Variants in MS4A10 observed in about 807,000 individuals in gnomAD.
MS4A10 encodes the protein membrane-spanning 4-domains subfamily A member 10.
Under a neutral mutation model 27.7 loss-of-function variants are expected in MS4A10, and 27 were observed. The observed-to-expected ratio is 0.98, with a 90% confidence interval of 0.72 to 1.35. MS4A10 has a LOEUF of 1.35. MS4A10 is among the 40% of genes most tolerant of loss of function. MS4A10 has a pLI of 0.00. For missense variants in MS4A10, 338 were observed against 324.7 expected, an observed-to-expected ratio of 1.04 and a Z score of -0.32; for synonymous variants, 139 against 131.2, an observed-to-expected ratio of 1.06 and a Z score of -0.41.
chr11:60,786,187 A>G (rs934607389), intron 1 of MS4A10, among the ~76,000 whole-genome samples: 14 of 138,430 alleles, frequency 1.0e-4, no homozygotes, highest in Middle Eastern at 3.6e-3. Context: ...ACACACACAC[A>G]CGCACACACA....
chr11:60,798,865 T>G (rs1435706935), intron 7 of MS4A10, among the ~76,000 whole-genome samples: 2 of 152,166 alleles, frequency 1.3e-5, no homozygotes, highest in Non-Finnish European at 2.9e-5. Flanking sequence ...CCCTCTGGCC[T>G]CCCTTGCCTG....
In MS4A10 at chr11:60,800,895, G is replaced by A. The variant is rs1433662614; in HGVS notation, c.*986G>A. 6.8e-6 allele frequency: 1 copy of A among 145,990 alleles called. No individual in the cohort carries two copies. Among genetic ancestry groups the A allele is most frequent in the Non-Finnish European group, 1.5e-5 (1 of 67,240 alleles). The allele number at this position is 145,990 out of a possible 1,614,324, so 9.0% of individuals were successfully genotyped here. A position where few individuals can be genotyped will look rare whatever the true frequency, so the allele number is the denominator to read the frequency against. On this transcript the variant is annotated 3_prime_UTR_variant, in exon 8 of 8. Coordinates refer to ENST00000308287, the MANE Select transcript of MS4A10 (RefSeq NM_206893.4). ...TGCAACCTCTGCCTCCCGAGTTCAA[G>A]CAATTCTCCTGCCTCAGCCTCCCGA... is the stretch of plus-strand genomic sequence containing the variant.
At chr11:60,799,736 C>A in intron 7 of MS4A10, 92 bp from the exon 8 acceptor site, 1 of 721,218 alleles carries the variant, frequency 1.4e-6, no homozygotes, top group Non-Finnish European at 2.5e-6. Context: ...GACTCTGAGC[C>A]AAGTAAATGC....
intron 3 of MS4A10, among the ~76,000 whole-genome samples, chr11:60,792,018 CT>C (rs1439981933): frequency 1.3e-5 from 2 of 152,166 alleles, no homozygotes; most frequent in Non-Finnish European, 2.9e-5. Context: ...CAGGGCACAG[CT>C]TGGTCCAAGG....
chr11:60,786,189 GCACACACACACACA>G (rs552507721), intron 1 of MS4A10, among the ~76,000 whole-genome samples: 1 of 127,254 alleles, frequency 7.9e-6, no homozygotes, highest in African/African-American at 3.2e-5. Flanking sequence ...ACACACACAC[GCACACACACACACA>G]CACACACACC....
intron 3 of MS4A10, 149 bp from the exon 4 acceptor site, chr11:60,792,116 A>T: frequency 1.5e-6 from 1 of 664,802 alleles, no homozygotes; most frequent in Admixed American, 2.3e-5. Context: ...ATGGCAGGCA[A>T]GAGGAGCTCA....
chr11:60,799,701 C>A, intron 7 of MS4A10, 127 bp from the exon 8 acceptor site: 1 of 655,418 alleles, frequency 1.5e-6, no homozygotes, highest in Non-Finnish European at 2.8e-6. Context: ...GCAGAGCTCA[C>A]TCTTTGAATC....
chr11:60,788,867 C>T (rs752676713), intron 1 of MS4A10, among the ~76,000 whole-genome samples: 1 of 152,206 alleles, frequency 6.6e-6, no homozygotes, highest in Non-Finnish European at 1.5e-5. Context: ...ACTGTGTGAC[C>T]ATGGCCAAGG....
chr11:60,791,957 T>A (rs530786827), intron 3 of MS4A10, among the ~76,000 whole-genome samples: 1 of 152,228 alleles, frequency 6.6e-6, no homozygotes, highest in African/African-American at 2.4e-5. Context: ...AGCGATGGTT[T>A]GGGTTTGTAA....
chr11:60,800,901 C>T lies in MS4A10; in HGVS notation c.*992C>T, dbSNP rs1452141613. On this transcript the variant is annotated 3_prime_UTR_variant, in exon 8 of 8. Transcript: ENST00000308287. ...CTCTGCCTCCCGAGTTCAAGCAATT[C>T]TCCTGCCTCAGCCTCCCGAGTAGCT... 6.7e-6 allele frequency: 1 copy of T among 149,724 alleles called. No homozygotes were observed. The highest frequency in any genetic ancestry group is 1.5e-5 in the Non-Finnish European group (1 of 67,744). 9.3% of individuals were successfully genotyped at this position (149,724 alleles called of 1,614,324 possible).
intron 1 of MS4A10, among the ~76,000 whole-genome samples, chr11:60,789,686 T>C (rs1854393742): frequency 6.6e-6 from 1 of 152,238 alleles, no homozygotes; most frequent in Non-Finnish European, 1.5e-5. Context: ...GTGAGGACGG[T>C]ATTTACCTCA....
intron 5 of MS4A10, 117 bp downstream of exon 5, chr11:60,794,220 T>C (rs1385778285): frequency 3.2e-6 from 4 of 1,245,588 alleles, no homozygotes; most frequent in Admixed American, 2.1e-5. Context: ...TGTGGGCTGC[T>C]GGGCCCTTTG....
In MS4A10 at chr11:60,786,136, C is replaced by A. The variant is rs115610994; in HGVS notation, c.-23+715C>A. Among the ~76,000 whole-genome samples the A allele has an allele frequency of 6.3e-3, 965 of 151,972 alleles. 19 individuals are homozygous for A. Among genetic ancestry groups the A allele is most frequent in the African/African-American group, 0.022 (924 of 41,406 alleles). On this transcript the variant is annotated intron_variant, in intron 1 of 7. Transcript: ENST00000308287. ...TCAGCACCTCTCAATTCCTGCCTTTCTGTCCTTGACATGCATGCACATGCA... is the reference window on the plus strand; with the variant it reads ...TCAGCACCTCTCAATTCCTGCCTTTATGTCCTTGACATGCATGCACATGCA...
In MS4A10 at chr11:60,787,386, T is replaced by C. The variant is rs1484381591; in HGVS notation, c.-23+1965T>C. Among the ~76,000 whole-genome samples the C allele has an allele frequency of 8.5e-5, 13 of 152,210 alleles. No individual in the cohort carries two copies. The East Asian group carries it at 2.1e-3, about 25-fold the overall frequency. On this transcript the variant is annotated intron_variant, in intron 1 of 7. Coordinates refer to ENST00000308287, the MANE Select transcript of MS4A10 (RefSeq NM_206893.4). ...CTAAGGAATCAGAGTTCATGCTCTT[T>C]GTCTTGGAAAGGCGTACGAGAGAGT...
intron 4 of MS4A10, 117 bp downstream of exon 4, chr11:60,792,438 C>A: frequency 1.3e-6 from 1 of 788,234 alleles, no homozygotes; most frequent in Non-Finnish European, 2.2e-6. Flanking sequence ...TAAGAGCAGG[C>A]TCTTGCCTTC....
At chr11:60,792,229 A>G (rs2134751627) in intron 3 of MS4A10, 36 bp from the exon 4 acceptor site, 2 of 1,584,694 alleles carry the variant, frequency 1.3e-6, no homozygotes, top group South Asian at 1.1e-5. Flanking sequence ...GAGGAACCCC[A>G]GCTTCTCTCC....
intron 6 of MS4A10, among the ~76,000 whole-genome samples, chr11:60,797,285 T>TACAGCACTA (rs1256357740): frequency 3.9e-5 from 6 of 152,338 alleles, no homozygotes; most frequent in African/African-American, 1.2e-4. Flanking sequence ...ACTGTGCTAG[T>TACAGCACTA]GCTGCAGGTG....
chr11:60,794,192 C>A, intron 5 of MS4A10, 89 bp downstream of exon 5: 1 of 1,523,558 alleles, frequency 6.6e-7, no homozygotes, highest in Non-Finnish European at 9.0e-7. Context: ...TCACAGAAAG[C>A]CCCTCCTGGA....
intron 4 of MS4A10, among the ~76,000 whole-genome samples, chr11:60,792,857 G>A (rs940588193): frequency 7.2e-5 from 11 of 152,118 alleles, no homozygotes; most frequent in Middle Eastern, 3.4e-3. Context: ...TTGTCCTCCC[G>A]GAGATCTTCC....
Sources: gnomAD v4.1 joint callset for allele counts (sites outside exome capture counted in the v4.1 genomes callset) on GRCh38, gnomAD v4.1.1 for gene constraint, MANE v1.5 for transcripts, NCBI Gene and HGNC (gene_info 2026-07-23, HGNC 2026-07-21) for gene names.